The following TTN variants were observed in gnomAD, a reference collection of about 807,000 sequenced individuals.
TTN encodes connectin.
In TTN, 1,525 loss-of-function variants were observed where a neutral mutation model predicts 3,223.0. The ratio of observed to expected loss-of-function variants is 0.47; its 90% confidence interval spans 0.45 to 0.49. TTN has a LOEUF of 0.49. Ranked by LOEUF, TTN falls within the 20% of genes least tolerant of loss-of-function variation. TTN has a pLI of 0.00. For synonymous variants in TTN, 14,094 were observed against 15,161.0 expected (o/e 0.93, Z 5.17); for missense variants, 40,786 against 43,424.0 (o/e 0.94, Z 5.40).
chr2:178,735,848 A>G lies in TTN; in HGVS notation c.14598T>C (p.Ser4866=). Residue 4866 remains serine (S), a synonymous_variant, in exon 50 of 363, where the codon TCT becomes TCC. Coordinates refer to ENST00000589042, the MANE Select transcript of TTN (RefSeq NM_001267550.2). ...CTCCAAACTTGTTGGAAGCCTTACA[A>G]GAATAAACTCCTCTATCTTGAATGG... ...NLTIQDRGVY[S]CKASNKFGAD... is the part of the protein sequence containing the mutation. 3.1e-6 allele frequency: 5 copies of G among 1,613,842 alleles called. No individual in the cohort carries two copies. The South Asian group carries it at 5.5e-5, about 18-fold the overall frequency.
At chr2:178,756,195 G>C (rs2086870068) in intron 46 of TTN, 27 bp downstream of exon 46, 1 of 1,522,630 alleles carries the variant, frequency 6.6e-7, no homozygotes, top group African/African-American at 1.4e-5. Flanking sequence ...ATGAAATGAA[G>C]CAAGTCATAG....
chr2:178,634,667 G>A lies in TTN; in HGVS notation c.42152-38C>T. The A allele has an allele frequency of 1.2e-6, 2 of 1,612,120 alleles. No individual in the cohort carries two copies. The highest frequency in any genetic ancestry group is 1.7e-6 in the Non-Finnish European group (2 of 1,179,230). On this transcript the variant is annotated intron_variant, in intron 229 of 362. Coordinates refer to ENST00000589042, the MANE Select transcript of TTN (RefSeq NM_001267550.2). This position sits in a 1 kb window ranked among gnomAD's most constrained non-coding sequence, Gnocchi z 4.6. ...CATTAAGAATGAGGCTTTTCAGAAT[G>A]CACAGGGAAGTGAAATAAAGTTGAG...
At position 178,609,832 on chromosome 2, in the gene TTN, G is replaced by A. The variant is rs1328969061; in HGVS notation, c.51591C>T (p.Cys17197=). ...IAKGEERWKR[C]NEHLVPILTY... is the part of the protein sequence containing the mutation. ...TCAGGATTGGTACCAGGTGTTCATT[G>A]CATCTCTTCCACCTTTCTTCACCCT... The change falls in exon 272 of 363, where the codon TGC becomes TGT. Residue 17197 remains cysteine, a synonymous_variant. Transcript: ENST00000589042. 6.2e-7 allele frequency: 1 copy of A among 1,612,894 alleles called. No homozygotes were observed. Among genetic ancestry groups the A allele is most frequent in the Non-Finnish European group, 8.5e-7 (1 of 1,179,252 alleles).
At position 178,605,505 on chromosome 2, in the gene TTN, G is replaced by T. The variant is rs1211145414; in HGVS notation, c.53790C>A (p.His17930Gln). Residue 17930 changes from histidine (H) to glutamine (Q), a missense_variant, in exon 279 of 363, where the codon CAC becomes CAA. His to Gln is a conservative substitution (Grantham distance 24). Transcript: ENST00000589042. ...TSFLVENLDE[H>Q]QMYEFRVKAV... ...CTTTGACACGGAACTCATACATTTGGTGTTCATCAAGATTTTCAACCAGAA... is the reference window on the plus strand; with the variant it reads ...CTTTGACACGGAACTCATACATTTGTTGTTCATCAAGATTTTCAACCAGAA... 3.7e-6 allele frequency: 6 copies of T among 1,612,192 alleles called. No homozygotes were observed. Among genetic ancestry groups the T allele is most frequent in the Non-Finnish European group, 5.1e-6 (6 of 1,178,912 alleles).
In TTN at chr2:178,699,036, G is replaced by T. The variant is rs2074270359; in HGVS notation, c.30683-122C>A. The T allele has an allele frequency of 3.9e-6, 4 of 1,017,866 alleles. No homozygotes were observed. The Admixed American group carries it at 1.2e-4, about 30-fold the overall frequency. 63.1% of individuals were successfully genotyped at this position (1,017,866 alleles called of 1,614,324 possible). On this transcript the variant is annotated intron_variant, in intron 111 of 362. Transcript: ENST00000589042. The stretch of plus-strand genomic sequence containing the variant: ...TTTTTCCATATGTTGATAGTAGCGA[G>T]ATTCTGCATATTACTACAAGATATT...
At chr2:178,630,735 G>A in intron 238 of TTN, 69 bp downstream of exon 238, 2 of 1,551,566 alleles carry the variant, frequency 1.3e-6, no homozygotes, top group Non-Finnish European at 1.7e-6. Context: ...CATCCACTCT[G>A]ACTTTCACCT....
In TTN at chr2:178,563,909, T is replaced by C; in HGVS notation, c.82223A>G (p.Glu27408Gly). 6.2e-7 allele frequency: 1 copy of C among 1,613,734 alleles called. No individual in the cohort carries two copies. Among genetic ancestry groups the C allele is most frequent in the Non-Finnish European group, 8.5e-7 (1 of 1,179,728 alleles). ...AGAGAGTCGGCTTGTCTCCCTCTTTTCAATGATGTAATGTGAAATATTAGC... is the reference window on the plus strand; with the variant it reads ...AGAGAGTCGGCTTGTCTCCCTCTTTCCAATGATGTAATGTGAAATATTAGC... ...GGANISHYII[E>G]KRETSRLSWT... is the part of the protein sequence containing the mutation. Residue 27408 changes from glutamate to glycine, a missense_variant, in exon 326 of 363, where the codon GAA becomes GGA. Transcript: ENST00000589042. The surrounding 1 kb of genome is among the most constrained non-coding windows in gnomAD (Gnocchi z 4.5).
At position 178,547,413 on chromosome 2, in the gene TTN, G is replaced by T; in HGVS notation, c.94213C>A (p.Pro31405Thr). Residue 31405 changes from proline to threonine, a missense_variant, in exon 339 of 363, where the codon CCA becomes ACA. Physicochemically the swap from Pro to Thr is conservative, Grantham distance 38. Transcript: ENST00000589042. The part of the protein sequence containing the change: ...LESAPIIAEH[P>T]FVPPSAPTRP... ...GGATTTTTATTTTTCTTACCAAATG[G>T]ATGTTCAGCAATTATTGGTGCTGAT... is the stretch of plus-strand genomic sequence containing the variant. 5 of 1,596,294 alleles carry T rather than the reference G, an allele frequency of 3.1e-6. No individual in the cohort carries two copies. Among genetic ancestry groups the T allele is most frequent in the Non-Finnish European group, 4.3e-6 (5 of 1,169,468 alleles).
rs767470225 is a variant in TTN at position 178,558,514 on chromosome 2, A to G, written c.86945T>C (p.Leu28982Pro). The change falls in exon 327 of 363, where the codon CTA becomes CCA. Residue 28982 changes from leucine (L) to proline (P), a missense_variant. Physicochemically the swap from Leu to Pro is moderately conservative, Grantham distance 98. Transcript: ENST00000589042. ...SRIVHYVVEALEKGQKNWVKC... is the reference protein window; with the variant it reads ...SRIVHYVVEAPEKGQKNWVKC... The stretch of plus-strand genomic sequence containing the variant: ...AACCCAGTTTTTCTGTCCTTTTTCT[A>G]GTGCTTCAACGACATAGTGTACAAT... The G allele has an allele frequency of 6.2e-7, 1 of 1,613,794 alleles. No homozygotes were observed. The highest frequency in any genetic ancestry group is 8.5e-7 in the Non-Finnish European group (1 of 1,179,812).
intron 47 of TTN, chr2:178,745,890 A>G: frequency 6.2e-7 from 1 of 1,612,270 alleles, no homozygotes; most frequent in Non-Finnish European, 8.5e-7. Context: ...AATTCAAAAA[A>G]ACTGTCTGTG....
rs1553708222 is a variant in TTN at position 178,617,111 on chromosome 2, T to C, written c.47875+9A>G. 4 of 1,610,448 alleles carry C rather than the reference T, an allele frequency of 2.5e-6. No homozygotes were observed. The highest frequency in any genetic ancestry group is 3.4e-6 in the Non-Finnish European group (4 of 1,178,300). On this transcript the variant is annotated intron_variant, in intron 255 of 362. Coordinates refer to ENST00000589042, the MANE Select transcript of TTN (RefSeq NM_001267550.2). ...TATTCCCCGATCTAAAAATAAAATA[T>C]CTATTTACCAAATGCATCGTCAGCG...
At chr2:178,690,190 CACAA>C (rs907795279) in intron 121 of TTN, among the ~76,000 whole-genome samples, 6 of 152,098 alleles carry the variant, frequency 3.9e-5, no homozygotes, top group African/African-American at 1.2e-4. Flanking sequence ...TTAGTGATGA[CACAA>C]ACAATCAAGA....
chr2:178,700,412 G>GA, intron 111 of TTN, among the ~76,000 whole-genome samples: 1 of 152,276 alleles, frequency 6.6e-6, no homozygotes, highest in East Asian at 1.9e-4. Context: ...CTTAGCTATA[G>GA]AAAAATGTGA....
chr2:178,625,547 C>A (rs2058899394), intron 240 of TTN, among the ~76,000 whole-genome samples, 151 bp from the exon 241 acceptor site: 1 of 151,760 alleles, frequency 6.6e-6, no homozygotes, highest in Non-Finnish European at 1.5e-5. Context: ...TCATTTCAAC[C>A]AATAGTTTGG....
intron 152 of TTN, 29 bp from the exon 153 acceptor site, chr2:178,672,732 C>T: frequency 6.5e-7 from 1 of 1,547,728 alleles, no homozygotes; most frequent in South Asian, 1.2e-5. Flanking sequence ...TTTTAGTTAG[C>T]TGAGAATGTT....
At position 178,573,645 on chromosome 2, in the gene TTN, G is replaced by T; in HGVS notation, c.72487C>A (p.Arg24163Ser). ...GTCCATGCCAATCTGCTGGTTTCAC[G>T]TTTCTGTACTATGTAATGATCAATT... ...AKIDHYIVQK[R>S]ETSRLAWTNV... is the part of the protein sequence containing the mutation. Residue 24163 changes from arginine (R) to serine (S), a missense_variant, in exon 326 of 363, where the codon CGT becomes AGT. Transcript: ENST00000589042. 3 of 1,501,954 alleles carry T rather than the reference G, an allele frequency of 2.0e-6. No homozygotes were observed. The highest frequency in any genetic ancestry group is 2.7e-6 in the Non-Finnish European group (3 of 1,127,622). The allele number at this position is 1,501,954 out of a possible 1,614,324, so 93.0% of individuals were successfully genotyped here.
rs772833138 is a variant in TTN at position 178,577,200 on chromosome 2, A to G, written c.69135T>C (p.Gly23045=). Residue 23045 remains glycine, a synonymous_variant, in exon 324 of 363, where the codon GGT becomes GGC. Transcript: ENST00000589042. ...VTVLDVPGPP[G]PVEISNVSAE... Reference sequence around the variant, plus strand: ...CAGAAACATTACTGATTTCAACAGGACCTGGGGGACCAGGTACATCAAGGA... The same window carrying G: ...CAGAAACATTACTGATTTCAACAGGGCCTGGGGGACCAGGTACATCAAGGA... 1 of 1,612,924 alleles carries G rather than the reference A, an allele frequency of 6.2e-7. No homozygotes were observed. Among genetic ancestry groups the G allele is most frequent in the South Asian group, 1.1e-5 (1 of 91,036 alleles).
chr2:178,721,282 C>T, intron 78 of TTN, 80 bp from the exon 79 acceptor site: 1 of 1,209,750 alleles, frequency 8.3e-7, no homozygotes, highest in Non-Finnish European at 1.1e-6. Context: ...CTGAAGATCC[C>T]ATAAATTTAT....
Position 178,539,886 on chromosome 2 carries a change from G to T in TTN, c.98179C>A (p.Pro32727Thr), listed in dbSNP as rs1276534291. The T allele has an allele frequency of 6.2e-7, 1 of 1,613,778 alleles. No homozygotes were observed. Among genetic ancestry groups the T allele is most frequent in the Non-Finnish European group, 8.5e-7 (1 of 1,179,770 alleles). Residue 32727 changes from proline to threonine, a missense_variant, in exon 352 of 363, where the codon CCA becomes ACA. By Grantham distance (38) the Pro-to-Thr change is conservative. Coordinates refer to ENST00000589042, the MANE Select transcript of TTN (RefSeq NM_001267550.2). ...ATTGGGAATGGTTTTCCTTTGATTG[G>T]TATGGTAAGTCTGATGACGCCACCT... ...RQGGVIRLTI[P>T]IKGKPFPICK...
Sources: allele counts gnomAD v4.1 joint callset (sites outside exome capture counted in the v4.1 genomes callset), GRCh38; gene constraint gnomAD v4.1.1; non-coding constraint Gnocchi (gnomAD v3.1); transcripts MANE v1.5; gene names NCBI Gene and HGNC (gene_info 2026-07-23, HGNC 2026-07-21).